LMX1A: variants seen among roughly 807,000 people sequenced by gnomAD.
LMX1A encodes LIM homeobox transcription factor 1 alpha.
In LMX1A, 15 loss-of-function variants were observed where a neutral mutation model predicts 49.1. That is an observed-to-expected ratio of 0.31 (90% CI 0.20 to 0.47). The LOEUF (loss-of-function observed/expected upper bound fraction) is 0.47, where lower values mean the gene tolerates loss of function less well. Among genes scored for constraint, LMX1A ranks in the 20% least tolerant of loss-of-function variants. The probability of loss-of-function intolerance (pLI) is 1.00; values close to 1 mark genes in which losing one functional copy is unlikely to be tolerated. For missense variants in LMX1A, 372 were observed against 475.8 expected, an observed-to-expected ratio of 0.78 and a Z score of 2.03; for synonymous variants, 167 against 185.7, an observed-to-expected ratio of 0.90 and a Z score of 0.82.
intron 5 of LMX1A, 126 bp from the exon 6 acceptor site, chr1:165,210,902 T>A (rs115716247): frequency 7.8e-6 from 4 of 511,936 alleles, no homozygotes; most frequent in Non-Finnish European, 1.4e-5. Flanking sequence ...TAGTTTTTAA[T>A]GTTGAGCATA....
chr1:165,285,269 A>G (rs945435820), intron 3 of LMX1A, among the ~76,000 whole-genome samples: 2 of 152,218 alleles, frequency 1.3e-5, no homozygotes, highest in Non-Finnish European at 2.9e-5. Context: ...TCTAGACTCC[A>G]CTTCCCCATC....
At chr1:165,212,206 G>A (rs993030058) in intron 5 of LMX1A, among the ~76,000 whole-genome samples, 16 of 152,196 alleles carry the variant, frequency 1.1e-4, no homozygotes, top group African/African-American at 2.7e-4. Flanking sequence ...CCCCTGCTCC[G>A]TGGTGGGTGT....
chr1:165,339,215 G>A (rs944766969), intron 3 of LMX1A, among the ~76,000 whole-genome samples: 14 of 152,336 alleles, frequency 9.2e-5, no homozygotes, highest in Admixed American at 3.9e-4. Context: ...AGTGGACAAC[G>A]CTACAAAACA....
At chr1:165,247,048 CTTTTTCTTTTTTTT>C (rs1181425285) in intron 4 of LMX1A, among the ~76,000 whole-genome samples, 1 of 21,424 alleles carries the variant, frequency 4.7e-5, no homozygotes, top group Non-Finnish European at 8.0e-5. Flanking sequence ...ATCAGATCAG[CTTTTTCTTTTTTTT>C]TTTTTTTTTT....
chr1:165,266,337 G>A lies in LMX1A; in HGVS notation c.264-16697C>T, dbSNP rs1423741423. Among the ~76,000 whole-genome samples the A allele has an allele frequency of 2.0e-5, 3 of 152,160 alleles. No homozygotes were observed. In the East Asian group the frequency reaches 5.8e-4, roughly 29 times the overall value. ...AACATTCTAGGCAGAGAAAATAGCA[G>A]GAGCAGAAGCCCTGAGGTAGAAGTA... is the stretch of plus-strand genomic sequence containing the variant. On this transcript the variant is annotated intron_variant, in intron 3 of 8. Coordinates refer to ENST00000342310, the MANE Select transcript of LMX1A (RefSeq NM_177398.4).
intron 3 of LMX1A, among the ~76,000 whole-genome samples, chr1:165,316,541 A>G (rs968804778): frequency 1.3e-5 from 2 of 152,256 alleles, no homozygotes; most frequent in African/African-American, 4.8e-5. Context: ...TCACAAGCAG[A>G]GAATACTGCA....
At chr1:165,233,739 C>T (rs1051135892) in intron 4 of LMX1A, among the ~76,000 whole-genome samples, 1 of 152,230 alleles carries the variant, frequency 6.6e-6, no homozygotes, top group African/African-American at 2.4e-5. Context: ...TCCTGTATTT[C>T]ATAGTCATTT....
intron 3 of LMX1A, among the ~76,000 whole-genome samples, chr1:165,320,930 A>G (rs1655367396): frequency 6.6e-6 from 1 of 152,218 alleles, no homozygotes; most frequent in South Asian, 2.1e-4. Context: ...CCATACTAAA[A>G]CTTCTACATA....
At chr1:165,299,074 A>C (rs1489102508) in intron 3 of LMX1A, among the ~76,000 whole-genome samples, 1 of 152,226 alleles carries the variant, frequency 6.6e-6, no homozygotes, top group Admixed American at 6.5e-5. Flanking sequence ...CAAGGGTAGT[A>C]TGTTTCAGAC....
At chr1:165,264,231 T>C (rs1308398498) in intron 3 of LMX1A, among the ~76,000 whole-genome samples, 1 of 152,090 alleles carries the variant, frequency 6.6e-6, no homozygotes, top group Non-Finnish European at 1.5e-5. Context: ...AAGTCTGCAA[T>C]ATAATTTTCA....
At chr1:165,231,681 T>C (rs1652246379) in intron 4 of LMX1A, among the ~76,000 whole-genome samples, 1 of 152,232 alleles carries the variant, frequency 6.6e-6, no homozygotes, top group African/African-American at 2.4e-5. Flanking sequence ...TTGGTTCCCA[T>C]GAACCTGTGT....
chr1:165,348,421 AAG>A (rs1285250147), intron 3 of LMX1A, among the ~76,000 whole-genome samples: 1 of 152,196 alleles, frequency 6.6e-6, no homozygotes, highest in Non-Finnish European at 1.5e-5. Context: ...CAAAATTAAA[AAG>A]AGAGAAAAAG....
At chr1:165,301,190 A>C (rs1017737000) in intron 3 of LMX1A, among the ~76,000 whole-genome samples, 7 of 152,026 alleles carry the variant, frequency 4.6e-5, no homozygotes, top group Non-Finnish European at 1.0e-4. Context: ...GGCCATTTTA[A>C]TATCCCTTCC....
chr1:165,302,070 A>T (rs984802867), intron 3 of LMX1A, among the ~76,000 whole-genome samples: 15 of 152,282 alleles, frequency 9.9e-5, no homozygotes, highest in African/African-American at 3.4e-4. Flanking sequence ...ACAGACACTC[A>T]AAACAGCAGA....
At chr1:165,333,416 C>T (rs542187603) in intron 3 of LMX1A, among the ~76,000 whole-genome samples, 2 of 152,186 alleles carry the variant, frequency 1.3e-5, no homozygotes, top group Non-Finnish European at 1.5e-5. Flanking sequence ...ACCTCCGCCT[C>T]CCAAAGTGCT....
At chr1:165,327,270 G>A (rs1412338095) in intron 3 of LMX1A, among the ~76,000 whole-genome samples, 1 of 152,194 alleles carries the variant, frequency 6.6e-6, no homozygotes, top group Non-Finnish European at 1.5e-5. Flanking sequence ...ACTCCAAGGA[G>A]AGAAGAAATC....
chr1:165,208,036 A>T, intron 7 of LMX1A, 27 bp downstream of exon 7: 1 of 1,604,002 alleles, frequency 6.2e-7, no homozygotes, highest in Non-Finnish European at 8.5e-7. Flanking sequence ...TCCAGCCAGA[A>T]CTGCCTGGGA....
intron 3 of LMX1A, among the ~76,000 whole-genome samples, chr1:165,250,256 A>G (rs1653009640): frequency 6.6e-6 from 1 of 152,228 alleles, no homozygotes; most frequent in South Asian, 2.1e-4. Flanking sequence ...AAATTAAAAA[A>G]AAAGAGGAGT....
At chr1:165,337,436 G>A (rs888847988) in intron 3 of LMX1A, among the ~76,000 whole-genome samples, 1 of 152,162 alleles carries the variant, frequency 6.6e-6, no homozygotes, top group African/African-American at 2.4e-5. Flanking sequence ...GAAACAAATA[G>A]TAGATCCTAT....
Sources: allele counts gnomAD v4.1 joint callset (sites outside exome capture counted in the v4.1 genomes callset), GRCh38; gene constraint gnomAD v4.1.1; transcripts MANE v1.5; gene names NCBI Gene and HGNC (gene_info 2026-07-23, HGNC 2026-07-21).